GLYR1: variants seen among roughly 807,000 people sequenced by gnomAD.
GLYR1 encodes glyoxylate reductase 1 homolog.
Under a neutral mutation model 72.7 loss-of-function variants are expected in GLYR1, and 21 were observed. The observed-to-expected ratio is 0.29, with a 90% CI of 0.20 to 0.42. GLYR1 has a LOEUF of 0.42. Ranked by LOEUF, GLYR1 falls within the 10% of genes least tolerant of loss-of-function variation. The probability of loss-of-function intolerance (pLI) is 1.00; values close to 1 mark genes in which losing one functional copy is unlikely to be tolerated. For missense variants in GLYR1, 594 were observed against 712.1 expected (o/e 0.83, Z 1.89); for synonymous variants, 392 against 270.2 (o/e 1.45, Z -4.42).
Position 4,832,195 on chromosome 16 carries a change from G to C in GLYR1, c.321C>G (p.Asp107Glu). Residue 107 changes from aspartate (D) to glutamate (E), a missense_variant, in exon 5 of 16, where the codon GAC becomes GAG. By Grantham distance (45) the Asp-to-Glu change is conservative. This residue lies in a region of GLYR1 where 252 missense variants were observed against 211.3 expected (regional missense o/e 1.19). Transcript: ENST00000321919. ...CCTCACTGGAATTACGTCGATTCTT[G>C]TCATCAGAAGAATTGTGGGATGACG... ...DQTSSHNSSD[D>E]KNRRNSSEER... 2 of 1,613,950 alleles carry C rather than the reference G, an allele frequency of 1.2e-6. No homozygotes were observed. Among genetic ancestry groups the C allele is most frequent in the Non-Finnish European group, 1.7e-6 (2 of 1,179,932 alleles).
rs746538563 is a variant in GLYR1 at position 4,823,836 on chromosome 16, C to T, written c.609G>A (p.Gln203=). Residue 203 remains glutamine (Q), a synonymous_variant, in exon 6 of 16, where the codon CAG becomes CAA. Coordinates refer to ENST00000321919, the MANE Select transcript of GLYR1 (RefSeq NM_032569.4). The part of the protein sequence containing the change: ...MAGPMAAFKW[Q]PTASEPVKDA... Reference sequence around the variant, plus strand: ...AGCTCCTTACCTCGCTTGCGGTTGGCTGCCATTTAAACGCGGCCATCGGTC... The same window carrying T: ...AGCTCCTTACCTCGCTTGCGGTTGGTTGCCATTTAAACGCGGCCATCGGTC... The T allele has an allele frequency of 3.1e-6, 5 of 1,613,910 alleles. No individual in the cohort carries two copies. In the African/African-American group the frequency reaches 5.3e-5, roughly 17 times the overall value.
chr16:4,832,803 A>G lies in GLYR1; in HGVS notation c.265T>C (p.Phe89Leu). Reference protein sequence around the residue: ...FQQAVDAVEEFLRRAKGKDQT... With the variant: ...FQQAVDAVEELLRRAKGKDQT... ...TCTTTCCCTTTGGCTCTCCTGAGGA[A>G]CTCTTCGACAGCATCTACCGCTTGC... Residue 89 changes from phenylalanine to leucine, a missense_variant, in exon 4 of 16, where the codon TTC becomes CTC. Phe to Leu is a conservative substitution (Grantham distance 22, BLOSUM62 0). This residue lies in a region of GLYR1 where 252 missense variants were observed against 211.3 expected (regional missense o/e 1.19). Coordinates refer to ENST00000321919, the MANE Select transcript of GLYR1 (RefSeq NM_032569.4). The G allele has an allele frequency of 6.2e-7, 1 of 1,611,964 alleles. No individual in the cohort carries two copies.
intron 15 of GLYR1, among the ~76,000 whole-genome samples, chr16:4,809,221 A>T (rs538552670): frequency 1.7e-4 from 21 of 124,062 alleles, no homozygotes; most frequent in African/African-American, 6.5e-4. Context: ...ATGGAGTCTC[A>T]CTCTGTTGCC....
At chr16:4,820,411 A>G (rs1402144536) in intron 9 of GLYR1, among the ~76,000 whole-genome samples, 1 of 152,226 alleles carries the variant, frequency 6.6e-6, no homozygotes, top group Non-Finnish European at 1.5e-5. Flanking sequence ...TGCTGGCTTC[A>G]TACTCTTTTA....
At position 4,805,185 on chromosome 16, in the gene GLYR1, A is replaced by G. The variant is rs2082896689; in HGVS notation, c.*51T>C. ...CCCAGGCCCCCGACCCCATGTGAGG[A>G]AGAGGGGGTCAGAGGGGGGATTGGA... On this transcript the variant is annotated 3_prime_UTR_variant, in exon 16 of 16. Transcript: ENST00000321919. 1 of 1,474,424 alleles carries G rather than the reference A, an allele frequency of 6.8e-7. No individual in the cohort carries two copies. Among genetic ancestry groups the G allele is most frequent in the African/African-American group, 1.4e-5 (1 of 72,144 alleles). The allele number at this position is 1,474,424 out of a possible 1,614,324, so 91.3% of individuals were successfully genotyped here.
At chr16:4,816,869 C>A (rs575259614) in intron 10 of GLYR1, among the ~76,000 whole-genome samples, 1 of 151,746 alleles carries the variant, frequency 6.6e-6, no homozygotes, top group Non-Finnish European at 1.5e-5. Context: ...CGCCTGTAAT[C>A]CCAGCTACTT....
At chr16:4,846,344 G>T in intron 1 of GLYR1, 134 bp from the exon 2 acceptor site, 1 of 946,614 alleles carries the variant, frequency 1.1e-6, no homozygotes, top group Non-Finnish European at 1.7e-6. Flanking sequence ...TTTCATAGCT[G>T]GGCCCAACAC....
intron 1 of GLYR1, chr16:4,846,878 G>A (rs2086157468): frequency 5.6e-6 from 2 of 354,570 alleles, no homozygotes; most frequent in East Asian, 6.7e-5. Flanking sequence ...CGGCGCTTCT[G>A]CTTTCTGGGA....
intron 10 of GLYR1, 22 bp downstream of exon 10, chr16:4,817,576 G>A (rs1418273021): frequency 3.4e-6 from 5 of 1,473,466 alleles, no homozygotes; most frequent in Admixed American, 3.3e-5. Flanking sequence ...CGATCCAACA[G>A]GCACCACCCC....
chr16:4,843,675 T>C (rs889846231), intron 3 of GLYR1: 2 of 1,258,864 alleles, frequency 1.6e-6, no homozygotes, highest in East Asian at 5.6e-5. Context: ...GTTTATAATA[T>C]ATCGCTTTCT....
At chr16:4,814,928 C>T (rs74003507) in intron 10 of GLYR1, among the ~76,000 whole-genome samples, 15,966 of 152,178 alleles carry the variant, frequency 0.1, 1,268 homozygotes, top group African/African-American at 0.23. Context: ...TGAACAGTAG[C>T]ACCTCTCCCC....
rs371632205 is a variant in GLYR1, at chr16:4,845,048, G to T, written c.155+26C>A. 7.4e-6 allele frequency: 11 copies of T among 1,495,370 alleles called. No individual in the cohort carries two copies. In the Admixed American group the frequency reaches 1.0e-4, roughly 14 times the overall value. The allele number at this position is 1,495,370 out of a possible 1,614,324, so 92.6% of individuals were successfully genotyped here. ...AGGTAACACAGAAAGAAAGGCGAAG[G>T]GAGACTCCTGGTGAGTACTACTCAC... On this transcript the variant is annotated intron_variant, in intron 3 of 15. Transcript: ENST00000321919.
At chr16:4,844,192 A>G (rs2085777894) in intron 3 of GLYR1, among the ~76,000 whole-genome samples, 2 of 152,128 alleles carry the variant, frequency 1.3e-5, no homozygotes, top group African/African-American at 2.4e-5. Context: ...AAAGCTAAAC[A>G]AATCACTAGC....
chr16:4,843,427 T>C (rs1276744398), intron 3 of GLYR1: 1 of 1,188,136 alleles, frequency 8.4e-7, no homozygotes, highest in Non-Finnish European at 1.1e-6. Context: ...AGTACTGGGA[T>C]TGCAGGCCTG....
chr16:4,816,947 A>AT (rs35180458), intron 10 of GLYR1, among the ~76,000 whole-genome samples: 1,430 of 139,172 alleles, frequency 0.01, 25 homozygotes, highest in African/African-American at 0.029. Flanking sequence ...AGATTGTGCC[A>AT]TTTTTTTTTT....
chr16:4,836,528 T>C (rs907401321), intron 3 of GLYR1, among the ~76,000 whole-genome samples: 5 of 152,114 alleles, frequency 3.3e-5, no homozygotes, highest in African/African-American at 4.8e-5. Flanking sequence ...GAATGACACA[T>C]TGTGATAGTA....
chr16:4,815,382 G>A (rs1423166414), intron 10 of GLYR1, among the ~76,000 whole-genome samples: 1 of 151,448 alleles, frequency 6.6e-6, no homozygotes, highest in Non-Finnish European at 1.5e-5. Flanking sequence ...CTATATTGTT[G>A]TCTTTCATAA....
At chr16:4,817,032 C>T (rs2083683585) in intron 10 of GLYR1, among the ~76,000 whole-genome samples, 1 of 151,670 alleles carries the variant, frequency 6.6e-6, no homozygotes, top group Non-Finnish European at 1.5e-5. Flanking sequence ...CAACCTCTGC[C>T]TCCCACATTC....
chr16:4,843,674 A>C, intron 3 of GLYR1: 1 of 1,261,166 alleles, frequency 7.9e-7, no homozygotes. Context: ...TGTTTATAAT[A>C]TATCGCTTTC....
Sources: gnomAD v4.1 joint callset for allele counts (sites outside exome capture counted in the v4.1 genomes callset) on GRCh38, gnomAD v4.1.1 for gene constraint, gnomAD v4.1.1 regional missense constraint, MANE v1.5 for transcripts, NCBI Gene and HGNC (gene_info 2026-07-23, HGNC 2026-07-21) for gene names.